NBEA: variants seen among roughly 807,000 people sequenced by gnomAD.
The protein encoded by NBEA is neurobeachin, also known as lysosomal-trafficking regulator 2.
A neutral mutation model predicts 343.4 loss-of-function variants in NBEA; 44 were observed. The ratio of observed to expected loss-of-function variants is 0.13; its 90% CI spans 0.10 to 0.16. The LOEUF is 0.16. Ranked by LOEUF, NBEA falls within the 10% of genes least tolerant of loss-of-function variation. NBEA has a pLI of 1.00. For missense variants in NBEA, 2,555 were observed against 3,631.3 expected (o/e 0.70, Z 7.62); for synonymous variants, 1,175 against 1,238.7 (o/e 0.95, Z 1.08).
At chr13:35,604,506 C>G (rs548017916) in intron 47 of NBEA, among the ~76,000 whole-genome samples, 1 of 152,048 alleles carries the variant, frequency 6.6e-6, no homozygotes, top group Non-Finnish European at 1.5e-5. Flanking sequence ...TTGCCCTTCT[C>G]TCTTTCTCCT....
At chr13:35,580,062 T>A (rs1329338611) in intron 45 of NBEA, among the ~76,000 whole-genome samples, 1 of 152,152 alleles carries the variant, frequency 6.6e-6, no homozygotes, top group Non-Finnish European at 1.5e-5. Context: ...GCAAGCTATG[T>A]AGGCTTTTTA....
chr13:35,530,590 G>T (rs1594895237), intron 41 of NBEA, among the ~76,000 whole-genome samples: 1 of 152,168 alleles, frequency 6.6e-6, no homozygotes, highest in African/African-American at 2.4e-5. Context: ...TTCCCCTTTG[G>T]CCTGCACTTT....
rs2038447934 is a variant in NBEA, at chr13:35,325,071, T to G, written c.5903+15479T>G. Among the ~76,000 whole-genome samples, 3 of 152,206 alleles carry G rather than the reference T, an allele frequency of 2.0e-5. 1 individual carries two copies. In the South Asian group the frequency reaches 6.2e-4, roughly 32 times the overall value. On this transcript the variant is annotated intron_variant, in intron 36 of 58. Coordinates refer to ENST00000379939, the MANE Select transcript of NBEA (RefSeq NM_001385012.1). ...TGATTTTTTAGTGCTAACCAGTAATTTGCTTAATTCTTAATGCTGATCGGG... is the reference window on the plus strand; with the variant it reads ...TGATTTTTTAGTGCTAACCAGTAATGTGCTTAATTCTTAATGCTGATCGGG...
intron 1 of NBEA, among the ~76,000 whole-genome samples, chr13:35,028,736 C>A (rs2062098935): frequency 6.6e-6 from 1 of 151,530 alleles, no homozygotes; most frequent in Non-Finnish European, 1.5e-5. Flanking sequence ...TTTTTCATCA[C>A]CCCCTACAGA....
At chr13:35,203,394 C>T (rs2073153154) in intron 31 of NBEA, among the ~76,000 whole-genome samples, 1 of 152,144 alleles carries the variant, frequency 6.6e-6, no homozygotes, top group Non-Finnish European at 1.5e-5. Flanking sequence ...TCAAATACTA[C>T]CATTTTTTGT....
intron 38 of NBEA, among the ~76,000 whole-genome samples, chr13:35,407,444 A>G (rs1467264823): frequency 6.6e-6 from 1 of 152,066 alleles, no homozygotes; most frequent in Non-Finnish European, 1.5e-5. Flanking sequence ...AGTAAAATAA[A>G]ATAAAGCCCA....
chr13:35,314,124 A>G (rs983353414), intron 36 of NBEA, among the ~76,000 whole-genome samples: 1 of 152,200 alleles, frequency 6.6e-6, no homozygotes, highest in Non-Finnish European at 1.5e-5. Context: ...GGCAGAATTC[A>G]GAAGAGATTT....
At chr13:35,519,170 G>A (rs2077598186) in intron 41 of NBEA, among the ~76,000 whole-genome samples, 1 of 151,736 alleles carries the variant, frequency 6.6e-6, no homozygotes, top group Non-Finnish European at 1.5e-5. Context: ...GACTTCTTTT[G>A]TCTTCCTTTC....
chr13:34,943,389 C>T (rs1307849160), intron 1 of NBEA, among the ~76,000 whole-genome samples: 1 of 152,014 alleles, frequency 6.6e-6, no homozygotes, highest in African/African-American at 2.4e-5. Context: ...CGCGAGTAAC[C>T]CAGTACCCGC....
intron 31 of NBEA, among the ~76,000 whole-genome samples, chr13:35,208,029 G>A (rs1473527369): frequency 6.6e-6 from 1 of 152,098 alleles, no homozygotes; most frequent in Non-Finnish European, 1.5e-5. Flanking sequence ...AGACCAGCCT[G>A]ACCAACATAG....
At chr13:35,628,317 C>T in intron 49 of NBEA, 69 bp downstream of exon 49, 2 of 1,147,530 alleles carry the variant, frequency 1.7e-6, no homozygotes, top group Non-Finnish European at 2.4e-6. Flanking sequence ...GACATTTCAT[C>T]TCTTTCTGTA....
intron 34 of NBEA, among the ~76,000 whole-genome samples, chr13:35,243,784 A>T (rs914511040): frequency 6.6e-6 from 1 of 151,936 alleles, no homozygotes; most frequent in Non-Finnish European, 1.5e-5. Flanking sequence ...AGGGCAAAAA[A>T]GTTCTGCAAT....
intron 29 of NBEA, among the ~76,000 whole-genome samples, chr13:35,182,988 A>G (rs977454008): frequency 3.3e-5 from 5 of 151,962 alleles, no homozygotes; most frequent in Admixed American, 2.0e-4. Context: ...TAAATATTCT[A>G]TCAGTGATTT....
At chr13:35,329,157 C>T (rs1206232250) in intron 36 of NBEA, among the ~76,000 whole-genome samples, 1 of 151,912 alleles carries the variant, frequency 6.6e-6, no homozygotes, top group Admixed American at 6.6e-5. Context: ...ACATTACACA[C>T]TTGCTGTAAT....
intron 1 of NBEA, among the ~76,000 whole-genome samples, chr13:35,023,294 A>G (rs1310898729): frequency 1.3e-5 from 2 of 152,130 alleles, no homozygotes; most frequent in Admixed American, 1.3e-4. Context: ...ATAAAGGGAC[A>G]CTGTCAGTGT....
At chr13:35,196,700 C>T (rs1286262543) in intron 31 of NBEA, among the ~76,000 whole-genome samples, 1 of 151,986 alleles carries the variant, frequency 6.6e-6, no homozygotes, top group East Asian at 1.9e-4. Flanking sequence ...TTATAAAATA[C>T]TATAATAATT....
chr13:35,279,780 A>G (rs1470702209), intron 34 of NBEA, among the ~76,000 whole-genome samples: 2 of 152,044 alleles, frequency 1.3e-5, no homozygotes, highest in Non-Finnish European at 2.9e-5. Flanking sequence ...CCCATTACAC[A>G]TGCCCCTTAA....
At chr13:35,410,511 T>C (rs754443510) in intron 38 of NBEA, among the ~76,000 whole-genome samples, 1 of 152,028 alleles carries the variant, frequency 6.6e-6, no homozygotes, top group Admixed American at 6.6e-5. Flanking sequence ...GCTTAAGATA[T>C]ATATCAGATG....
chr13:35,651,475 T>C (rs2084520308), intron 52 of NBEA, among the ~76,000 whole-genome samples: 2 of 152,190 alleles, frequency 1.3e-5, no homozygotes, highest in Middle Eastern at 3.4e-3. Flanking sequence ...CATAGCCCTT[T>C]CATTGATTTC....
Sources: allele counts gnomAD v4.1 joint callset (sites outside exome capture counted in the v4.1 genomes callset), GRCh38; gene constraint gnomAD v4.1.1; transcripts MANE v1.5; gene names NCBI Gene and HGNC (gene_info 2026-07-23, HGNC 2026-07-21).